Variants in USP13 observed in about 807,000 individuals in gnomAD.
The protein encoded by USP13 is ubiquitin carboxyl-terminal hydrolase 13.
In USP13, 68 loss-of-function variants were observed where a neutral mutation model predicts 107.8. That is an observed-to-expected ratio of 0.63 (90% CI 0.52 to 0.77). USP13 has a LOEUF of 0.77. USP13 is among the 30% of genes least tolerant of loss of function. USP13 has a pLI of 0.00. For synonymous variants in USP13, 377 were observed against 389.5 expected, an observed-to-expected ratio of 0.97 and a Z score of 0.38; for missense variants, 945 against 1,093.3, an observed-to-expected ratio of 0.86 and a Z score of 1.91.
At position 179,653,694 on chromosome 3, in the gene USP13, T is replaced by C. The variant is rs1024101408; in HGVS notation, c.168+301T>C. The C allele has an allele frequency of 3.4e-5, 12 of 357,014 alleles. 2 individuals are homozygous for C. The highest frequency in any genetic ancestry group is 1.6e-3 in the Middle Eastern group (2 of 1,232). The allele number at this position is 357,014 out of a possible 1,614,324, so 22.1% of individuals were successfully genotyped here. A position where few individuals can be genotyped will look rare whatever the true frequency, so the allele number is the denominator to read the frequency against. On this transcript the variant is annotated intron_variant, in intron 1 of 20. Coordinates refer to ENST00000263966, the MANE Select transcript of USP13 (RefSeq NM_003940.3). The surrounding 1 kb of genome is among the most constrained non-coding windows in gnomAD (Gnocchi z 4.0). ...ATAGATGAAATACAAGAGTTCCCTGTTCCGAACTGCACGTTGCAGATCGTT... is the reference window on the plus strand; with the variant it reads ...ATAGATGAAATACAAGAGTTCCCTGCTCCGAACTGCACGTTGCAGATCGTT...
chr3:179,732,638 G>A (rs1713846949), intron 10 of USP13, among the ~76,000 whole-genome samples: 1 of 151,614 alleles, frequency 6.6e-6, no homozygotes, highest in African/African-American at 2.4e-5. Context: ...CCGTTTCTGT[G>A]CTCTTGGGAT....
At position 179,749,091 on chromosome 3, in the gene USP13, TGG is replaced by T. The variant is rs1714508601; in HGVS notation, c.1710-3193_1710-3192del. Among the ~76,000 whole-genome samples, 4 of 152,178 alleles carry T rather than the reference TGG, an allele frequency of 2.6e-5. No homozygotes were observed. The South Asian group carries it at 8.3e-4, about 31-fold the overall frequency. On this transcript the variant is annotated intron_variant, in intron 13 of 20. Transcript: ENST00000263966. ...TTTCAACCAGTAGACAGGAAGATTA[TGG>T]TTTTTTTTAGTTGTTAGGTTTTCAA...
chr3:179,674,364 G>GCACA (rs2108446786), intron 1 of USP13, among the ~76,000 whole-genome samples: 1 of 152,290 alleles, frequency 6.6e-6, no homozygotes, highest in South Asian at 2.1e-4. Context: ...GTGGGAACAT[G>GCACA]TGTCTTTCCT....
At chr3:179,662,359 C>T (rs1237505194) in intron 1 of USP13, among the ~76,000 whole-genome samples, 2 of 152,192 alleles carry the variant, frequency 1.3e-5, no homozygotes, top group Non-Finnish European at 2.9e-5. Context: ...TTAGCTCCTA[C>T]TTCACCCCAT....
Position 179,789,100 on chromosome 3 carries a change from TC to T in USP13, c.*4963del, listed in dbSNP as rs1272137801. The stretch of plus-strand genomic sequence containing the variant: ...TTGTAGGCAAAATCCTCTTGTGGTT[TC>T]CCCTCCCCAGGTATTGTTGAGTCTG... On this transcript the variant is annotated 3_prime_UTR_variant, in exon 21 of 21. Transcript: ENST00000263966. The T allele has an allele frequency of 6.6e-6, 1 of 152,086 alleles. No individual in the cohort carries two copies. 9.4% of individuals were successfully genotyped at this position (152,086 alleles called of 1,614,324 possible).
At chr3:179,671,940 G>A (rs1267835116) in intron 1 of USP13, among the ~76,000 whole-genome samples, 1 of 152,110 alleles carries the variant, frequency 6.6e-6, no homozygotes. Flanking sequence ...TTTTCCACAG[G>A]AGACACTGTT....
In USP13 at chr3:179,745,261, T is replaced by A. The variant is rs1408112957; in HGVS notation, c.1709+44T>A. On this transcript the variant is annotated intron_variant, in intron 13 of 20. Transcript: ENST00000263966. ...GGTGGCAGTGGGGTGAGGAGGGGCC[T>A]TGAGGGGTGGGGACAGGGGTAAGGG... The A allele has an allele frequency of 4.4e-6, 7 of 1,601,088 alleles. No individual in the cohort carries two copies. The African/African-American group carries it at 9.4e-5, about 22-fold the overall frequency.
At chr3:179,676,959 A>G (rs1711504336) in intron 1 of USP13, among the ~76,000 whole-genome samples, 1 of 151,952 alleles carries the variant, frequency 6.6e-6, no homozygotes, top group African/African-American at 2.4e-5. Flanking sequence ...CCTGGGTTCA[A>G]GCGATTCTCC....
rs527494549 is a variant in USP13, at chr3:179,760,851, G to A, written c.1949-261G>A. Among the ~76,000 whole-genome samples, 177 of 152,302 alleles carry A rather than the reference G, an allele frequency of 1.2e-3. 1 individual carries two copies. Among genetic ancestry groups the A allele is most frequent in the South Asian group, 2.3e-3 (11 of 4,824 alleles). ...GGGAATACACTAAATCTCCCCATAT[G>A]AAATTAGAGAATCGTTTTTCATTGC... On this transcript the variant is annotated intron_variant, in intron 16 of 20. Transcript: ENST00000263966.
In USP13 at chr3:179,654,382, A is replaced by G. The variant is rs535315736; in HGVS notation, c.168+989A>G. ...GCAAGTATAAATTATTAAAAGTTCA[A>G]TCCCGAGTCGTGACCTCGGAGAATG... On this transcript the variant is annotated intron_variant, in intron 1 of 20. Transcript: ENST00000263966. Among the ~76,000 whole-genome samples the G allele has an allele frequency of 2.0e-5, 3 of 152,230 alleles. No homozygotes were observed. The South Asian group carries it at 6.2e-4, about 32-fold the overall frequency.
chr3:179,699,264 G>T (rs1279015223), intron 3 of USP13, among the ~76,000 whole-genome samples: 1 of 151,898 alleles, frequency 6.6e-6, no homozygotes, highest in Admixed American at 6.6e-5. Flanking sequence ...ATCTTTCTTT[G>T]AATTATATCC....
At chr3:179,688,692 C>A (rs1711985864) in intron 2 of USP13, among the ~76,000 whole-genome samples, 2 of 152,174 alleles carry the variant, frequency 1.3e-5, no homozygotes, top group South Asian at 4.1e-4. Context: ...TCCTTGTTAT[C>A]CTTCCGGCAT....
chr3:179,759,031 G>A (rs530440789), intron 16 of USP13, among the ~76,000 whole-genome samples: 1 of 151,936 alleles, frequency 6.6e-6, no homozygotes, highest in South Asian at 2.1e-4. Flanking sequence ...ACCCAGGCTG[G>A]AGTACAGTGG....
chr3:179,682,255 A>AAAAC (rs1487096281), intron 2 of USP13, among the ~76,000 whole-genome samples: 13 of 151,076 alleles, frequency 8.6e-5, no homozygotes, highest in Admixed American at 6.6e-4. Context: ...TGGAAAAAAA[A>AAAAC]AACCGAAACT....
At chr3:179,724,121 C>T (rs1425417095) in intron 8 of USP13, among the ~76,000 whole-genome samples, 1 of 151,550 alleles carries the variant, frequency 6.6e-6, no homozygotes, top group East Asian at 1.9e-4. Flanking sequence ...GGTTGTGCCA[C>T]CGTACTCAGG....
chr3:179,780,030 A>G (rs1715690306), intron 19 of USP13, among the ~76,000 whole-genome samples: 1 of 152,216 alleles, frequency 6.6e-6, no homozygotes. Flanking sequence ...ACTGAGATAG[A>G]TAAGGCTGAG....
At chr3:179,768,540 G>A (rs1265020514) in intron 19 of USP13, among the ~76,000 whole-genome samples, 1 of 152,174 alleles carries the variant, frequency 6.6e-6, no homozygotes, top group Admixed American at 6.5e-5. Flanking sequence ...AAGATATGCA[G>A]GATATAAAGG....
At chr3:179,694,931 T>C (rs1712240896) in intron 3 of USP13, among the ~76,000 whole-genome samples, 1 of 151,964 alleles carries the variant, frequency 6.6e-6, no homozygotes, top group South Asian at 2.1e-4. Flanking sequence ...AGTTTACGCC[T>C]CTCTGGCAGA....
At chr3:179,672,238 A>C (rs777561969) in intron 1 of USP13, among the ~76,000 whole-genome samples, 9 of 152,162 alleles carry the variant, frequency 5.9e-5, no homozygotes, top group Non-Finnish European at 1.3e-4. Context: ...TTTGTCTTTG[A>C]TGTTATTTCT....
Sources: allele counts gnomAD v4.1 joint callset (sites outside exome capture counted in the v4.1 genomes callset), GRCh38; gene constraint gnomAD v4.1.1; non-coding constraint Gnocchi (gnomAD v3.1); transcripts MANE v1.5; gene names NCBI Gene and HGNC (gene_info 2026-07-23, HGNC 2026-07-21).